The following PPP1R9A variants were observed in gnomAD, a reference collection of about 807,000 sequenced individuals.
PPP1R9A encodes the protein protein phosphatase 1 regulatory subunit 9A.
In PPP1R9A, 59 loss-of-function variants were observed where a neutral mutation model predicts 141.9. That is an observed-to-expected ratio of 0.42 (90% CI 0.34 to 0.52). PPP1R9A has a LOEUF of 0.52. Among genes scored for constraint, PPP1R9A ranks in the 20% least tolerant of loss-of-function variants. The pLI, the probability that PPP1R9A is intolerant of heterozygous loss-of-function variation, is 0.10. For synonymous variants in PPP1R9A, 500 were observed against 569.7 expected, an observed-to-expected ratio of 0.88 and a Z score of 1.74; for missense variants, 1,444 against 1,611.9, an observed-to-expected ratio of 0.90 and a Z score of 1.78.
At chr7:95,052,284 A>G (rs1364081536) in intron 2 of PPP1R9A, among the ~76,000 whole-genome samples, 1 of 152,230 alleles carries the variant, frequency 6.6e-6, no homozygotes, top group Admixed American at 6.5e-5. Flanking sequence ...AAAAAGCAAG[A>G]ATGAGAAAGA....
At chr7:95,078,643 T>G (rs571001502) in intron 2 of PPP1R9A, among the ~76,000 whole-genome samples, 21 of 152,300 alleles carry the variant, frequency 1.4e-4, no homozygotes, top group African/African-American at 4.8e-4. Flanking sequence ...CAGCAACTGT[T>G]GTTTCCTGAC....
chr7:94,956,574 A>T (rs1797094168), intron 2 of PPP1R9A, among the ~76,000 whole-genome samples: 1 of 152,098 alleles, frequency 6.6e-6, no homozygotes, highest in Non-Finnish European at 1.5e-5. Context: ...CTGTAGTCAT[A>T]GATACTTGGA....
intron 4 of PPP1R9A, among the ~76,000 whole-genome samples, chr7:95,161,340 T>C (rs1430423420): frequency 6.6e-6 from 1 of 152,204 alleles, no homozygotes; most frequent in African/African-American, 2.4e-5. Context: ...AAATGTCTGT[T>C]TGTGTCTTTT....
intron 2 of PPP1R9A, among the ~76,000 whole-genome samples, chr7:94,963,309 A>G (rs1797841152): frequency 6.6e-6 from 1 of 152,124 alleles, no homozygotes; most frequent in Non-Finnish European, 1.5e-5. Context: ...CTAAATTTTA[A>G]TATGATGGAT....
chr7:95,062,648 A>G (rs111730133), intron 2 of PPP1R9A, among the ~76,000 whole-genome samples: 8,953 of 151,998 alleles, frequency 0.059, 321 homozygotes, highest in African/African-American at 0.093. Context: ...TCGGCCTCCC[A>G]AAGTGCTGGG....
intron 16 of PPP1R9A, among the ~76,000 whole-genome samples, chr7:95,281,787 C>T (rs2153074265): frequency 6.6e-6 from 1 of 152,310 alleles, no homozygotes; most frequent in Admixed American, 6.5e-5. Flanking sequence ...GTCATGCTGT[C>T]ATTAATCATG....
chr7:94,998,901 C>T (rs1275643626), intron 2 of PPP1R9A, among the ~76,000 whole-genome samples: 1 of 152,018 alleles, frequency 6.6e-6, no homozygotes, highest in Non-Finnish European at 1.5e-5. Flanking sequence ...GTAGCAGGGA[C>T]TACAGATATA....
At chr7:94,966,687 CT>C (rs1448232364) in intron 2 of PPP1R9A, among the ~76,000 whole-genome samples, 1 of 152,138 alleles carries the variant, frequency 6.6e-6, no homozygotes, top group Non-Finnish European at 1.5e-5. Flanking sequence ...GGAGGATAGG[CT>C]TTTTAATGTG....
At chr7:95,006,584 A>G (rs1803632946) in intron 2 of PPP1R9A, among the ~76,000 whole-genome samples, 2 of 152,190 alleles carry the variant, frequency 1.3e-5, no homozygotes, top group South Asian at 4.1e-4. Flanking sequence ...GGAAGATCCT[A>G]AATATAAAGT....
chr7:94,967,382 T>G (rs1798336977), intron 2 of PPP1R9A, among the ~76,000 whole-genome samples: 1 of 152,274 alleles, frequency 6.6e-6, no homozygotes, highest in South Asian at 2.1e-4. Context: ...TGCTCTTGCT[T>G]CTCTAGTTCT....
intron 2 of PPP1R9A, among the ~76,000 whole-genome samples, chr7:95,044,276 C>T (rs2151934640): frequency 6.6e-6 from 1 of 152,296 alleles, no homozygotes; most frequent in Non-Finnish European, 1.5e-5. Flanking sequence ...AAGGGACTTC[C>T]CTCTACTTTC....
At chr7:95,081,916 T>C (rs1452635406) in intron 2 of PPP1R9A, among the ~76,000 whole-genome samples, 1 of 152,220 alleles carries the variant, frequency 6.6e-6, no homozygotes, top group African/African-American at 2.4e-5. Flanking sequence ...AGTGCCATGA[T>C]AGCCTTGAAA....
intron 2 of PPP1R9A, among the ~76,000 whole-genome samples, chr7:94,955,292 A>T (rs1199915075): frequency 6.6e-6 from 1 of 152,122 alleles, no homozygotes; most frequent in African/African-American, 2.4e-5. Flanking sequence ...AGTAAGATAA[A>T]CTTAGTATAA....
At chr7:94,983,570 G>A (rs1800403284) in intron 2 of PPP1R9A, among the ~76,000 whole-genome samples, 1 of 152,014 alleles carries the variant, frequency 6.6e-6, no homozygotes, top group Admixed American at 6.6e-5. Flanking sequence ...GTATTCCTGG[G>A]TATTTTATTC....
chr7:95,231,403 A>G (rs894040736), intron 8 of PPP1R9A, among the ~76,000 whole-genome samples: 7 of 152,168 alleles, frequency 4.6e-5, no homozygotes, highest in African/African-American at 7.2e-5. Context: ...AATGGACTTC[A>G]CAGATATTTG....
At chr7:95,153,144 G>A (rs116047717) in intron 4 of PPP1R9A, among the ~76,000 whole-genome samples, 314 of 152,102 alleles carry the variant, frequency 2.1e-3, no homozygotes, top group African/African-American at 7.2e-3. Flanking sequence ...GCCACTGCGC[G>A]CCCAGCCTCA....
chr7:94,990,586 G>GA (rs1324481789), intron 2 of PPP1R9A, among the ~76,000 whole-genome samples: 2 of 151,892 alleles, frequency 1.3e-5, no homozygotes, highest in African/African-American at 4.8e-5. Flanking sequence ...CTAGCTATAT[G>GA]AAACTATGTA....
chr7:95,102,326 G>T (rs1159237129), intron 2 of PPP1R9A, among the ~76,000 whole-genome samples: 2 of 152,174 alleles, frequency 1.3e-5, no homozygotes, highest in Admixed American at 1.3e-4. Context: ...CCACAACTTA[G>T]AATTCATGCT....
rs574965097 is a variant in PPP1R9A, at chr7:95,264,947, A to G, written c.2666-3603A>G. Among the ~76,000 whole-genome samples, 11 of 152,304 alleles carry G rather than the reference A, an allele frequency of 7.2e-5. No homozygotes were observed. The South Asian group carries it at 1.9e-3, about 26-fold the overall frequency. On this transcript the variant is annotated intron_variant, in intron 12 of 19. Coordinates refer to ENST00000433360, the MANE Select transcript of PPP1R9A (RefSeq NM_001166160.2). ...ATATTATTGACTAAAATATCTGTAG[A>G]GAACGAATGACAGTGAGAGAAATGG...
Sources: allele counts gnomAD v4.1 joint callset (sites outside exome capture counted in the v4.1 genomes callset), GRCh38; gene constraint gnomAD v4.1.1; transcripts MANE v1.5; gene names NCBI Gene and HGNC (gene_info 2026-07-23, HGNC 2026-07-21).